ERN1: variants seen among roughly 807,000 people sequenced by gnomAD.
ERN1 encodes the protein serine/threonine-protein kinase/endoribonuclease IRE1.
In ERN1, 39 loss-of-function variants were observed where a neutral mutation model predicts 113.1. The observed-to-expected ratio is 0.34, with a 90% CI of 0.27 to 0.45. The LOEUF (loss-of-function observed/expected upper bound fraction) is 0.45, where lower values mean the gene tolerates loss of function less well. ERN1 is among the 20% of genes least tolerant of loss of function. The pLI is 1.00. For missense variants in ERN1, 976 were observed against 1,274.8 expected (o/e 0.77, Z 3.57); for synonymous variants, 507 against 515.9 (o/e 0.98, Z 0.23).
At chr17:64,097,356 G>A (rs1914257979) in intron 2 of ERN1, among the ~76,000 whole-genome samples, 1 of 152,204 alleles carries the variant, frequency 6.6e-6, no homozygotes, top group Non-Finnish European at 1.5e-5. Context: ...CATTGGCTGT[G>A]CTCGTGAAAG....
chr17:64,080,236 G>A (rs549059923), intron 3 of ERN1, among the ~76,000 whole-genome samples: 3 of 152,334 alleles, frequency 2.0e-5, no homozygotes, highest in South Asian at 4.1e-4. Context: ...GAGAGAACCC[G>A]CCAAGGGGAC....
intron 6 of ERN1, among the ~76,000 whole-genome samples, chr17:64,071,730 T>C (rs928814025): frequency 1.3e-5 from 2 of 152,032 alleles, no homozygotes; most frequent in East Asian, 1.9e-4. Flanking sequence ...CCAGGCAACT[T>C]TGAAATGAGA....
chr17:64,100,395 C>A lies in ERN1; in HGVS notation c.55-2154G>T, dbSNP rs535754119. On this transcript the variant is annotated intron_variant, in intron 1 of 21. Coordinates refer to ENST00000433197, the MANE Select transcript of ERN1 (RefSeq NM_001433.5). ...CCCTGCTGAGCCCTCCTCCACCCCC[C>A]AAAGTTACCACAGGAATAACCACTC... Among the ~76,000 whole-genome samples the A allele has an allele frequency of 6.6e-5, 10 of 152,280 alleles. No individual in the cohort carries two copies. In the East Asian group the frequency reaches 1.2e-3, roughly 18 times the overall value.
intron 1 of ERN1, among the ~76,000 whole-genome samples, chr17:64,115,743 G>A (rs2143492249): frequency 1.3e-5 from 2 of 152,308 alleles, no homozygotes; most frequent in African/African-American, 4.8e-5. Flanking sequence ...CAGAAGATGA[G>A]GTGGGCACAC....
chr17:64,112,509 C>G (rs1914700663), intron 1 of ERN1, among the ~76,000 whole-genome samples: 1 of 152,114 alleles, frequency 6.6e-6, no homozygotes, highest in Non-Finnish European at 1.5e-5. Context: ...CTAAACGATT[C>G]AATAGATACT....
chr17:64,099,177 T>C (rs1316979593), intron 1 of ERN1, among the ~76,000 whole-genome samples: 1 of 152,166 alleles, frequency 6.6e-6, no homozygotes, highest in Non-Finnish European at 1.5e-5. Context: ...AAAATAACAC[T>C]TGGAAAAATC....
rs749184723 is a variant in ERN1, at chr17:64,045,375, A to G, written c.2637T>C (p.Thr879=). ...VVKMDWRENI[T]VPLQTDLRKF... ...CATGATCACCTGTCTGGAGGGGGAC[A>G]GTGATGTTCTCCCGCCAGTCCATCT... Residue 879 remains threonine (T), a synonymous_variant, in exon 20 of 22, where the codon ACT becomes ACC. Transcript: ENST00000433197. 2.5e-6 allele frequency: 4 copies of G among 1,613,698 alleles called. No individual in the cohort carries two copies. The highest frequency in any genetic ancestry group is 4.5e-5 in the East Asian group (2 of 44,882).
chr17:64,098,003 C>G, intron 2 of ERN1, 118 bp downstream of exon 2: 1 of 1,330,814 alleles, frequency 7.5e-7, no homozygotes, highest in East Asian at 2.5e-5. Flanking sequence ...TCCCATTCTT[C>G]TTTATTTCTT....
At chr17:64,115,575 G>C (rs1048881085) in intron 1 of ERN1, among the ~76,000 whole-genome samples, 1 of 152,200 alleles carries the variant, frequency 6.6e-6, no homozygotes, top group African/African-American at 2.4e-5. Context: ...ACCCTGCTCA[G>C]CTGTCTTCTC....
Position 64,071,850 on chromosome 17 carries a change from G to A in ERN1, c.478+131C>T, listed in dbSNP as rs942266786. ...GGGGGACACTGAAGGGTCTTATAAA[G>A]GAAAATGACATGATGGGACCTGTGT... On this transcript the variant is annotated intron_variant, in intron 6 of 21. Transcript: ENST00000433197. The A allele has an allele frequency of 1.1e-5, 11 of 961,146 alleles. No individual in the cohort carries two copies. The East Asian group carries it at 2.9e-4, about 25-fold the overall frequency. 59.5% of individuals were successfully genotyped at this position (961,146 alleles called of 1,614,324 possible). A position where few individuals can be genotyped will look rare whatever the true frequency, so the allele number is the denominator to read the frequency against.
rs1913137478 is a variant in ERN1 at position 64,064,042 on chromosome 17, G to T, written c.1031C>A (p.Pro344His). The T allele has an allele frequency of 6.2e-7, 1 of 1,613,816 alleles. No homozygotes were observed. The highest frequency in any genetic ancestry group is 1.1e-5 in the South Asian group (1 of 91,060). The change falls in exon 10 of 22, where the codon CCC (proline) becomes CAC (histidine). Residue 344 changes from proline (P) to histidine (H), a missense_variant. By Grantham distance (77) the Pro-to-His change is moderately conservative (BLOSUM62 -2). This residue lies in a region of ERN1 where 459 missense variants were observed against 581.2 expected (regional missense o/e 0.79). Transcript: ENST00000433197. ...GAGCTTGTTCTTGCTTTTGAGTCCG[G>T]GATCAAACTTGACGTCCGTGCTGGG... ...ITPSTDVKFDPGLKSKNKLNY... is the reference protein window; with the variant it reads ...ITPSTDVKFDHGLKSKNKLNY...
At chr17:64,127,418 G>C (rs1213746456) in intron 1 of ERN1, among the ~76,000 whole-genome samples, 1 of 152,144 alleles carries the variant, frequency 6.6e-6, no homozygotes, top group East Asian at 1.9e-4. Context: ...TCTTTCACAT[G>C]TTAGCTGTCC....
At chr17:64,129,705 G>C in intron 1 of ERN1, 2 of 378,120 alleles carry the variant, frequency 5.3e-6, no homozygotes, top group Non-Finnish European at 9.4e-6. Flanking sequence ...GCGGGGTCCG[G>C]GGAGCCGCTG....
At chr17:64,097,081 G>A (rs1200952110) in intron 2 of ERN1, among the ~76,000 whole-genome samples, 1 of 152,126 alleles carries the variant, frequency 6.6e-6, no homozygotes, top group Non-Finnish European at 1.5e-5. Context: ...GATGTTCTTG[G>A]AACCTGTAAT....
intron 1 of ERN1, among the ~76,000 whole-genome samples, chr17:64,104,357 A>C (rs913512833): frequency 6.6e-6 from 1 of 152,348 alleles, no homozygotes; most frequent in East Asian, 1.9e-4. Flanking sequence ...CTGCAATGGT[A>C]AGTACAGCAG....
intron 5 of ERN1, among the ~76,000 whole-genome samples, chr17:64,073,319 C>T (rs1913483696): frequency 6.8e-6 from 1 of 147,266 alleles, no homozygotes; most frequent in South Asian, 2.2e-4. Flanking sequence ...CAGGTGCGTG[C>T]CACCACACCC....
At chr17:64,072,462 T>C (rs548108525) in intron 5 of ERN1, among the ~76,000 whole-genome samples, 6 of 152,372 alleles carry the variant, frequency 3.9e-5, no homozygotes, top group South Asian at 2.1e-4. Context: ...CTGGGATCTA[T>C]AGAAATACAG....
chr17:64,117,708 G>C (rs1914847229), intron 1 of ERN1, among the ~76,000 whole-genome samples: 1 of 152,168 alleles, frequency 6.6e-6, no homozygotes, highest in Non-Finnish European at 1.5e-5. Context: ...GAAGGCCCTA[G>C]GCCCTATACA....
At chr17:64,116,699 G>A (rs1914813804) in intron 1 of ERN1, among the ~76,000 whole-genome samples, 1 of 151,942 alleles carries the variant, frequency 6.6e-6, no homozygotes, top group African/African-American at 2.4e-5. Context: ...GTGTATTTGG[G>A]TGCACAGCCA....
Sources: gnomAD v4.1 joint callset for allele counts (sites outside exome capture counted in the v4.1 genomes callset) on GRCh38, gnomAD v4.1.1 for gene constraint, gnomAD v4.1.1 regional missense constraint, MANE v1.5 for transcripts, NCBI Gene and HGNC (gene_info 2026-07-23, HGNC 2026-07-21) for gene names.